WDR7: variants seen among roughly 807,000 people sequenced by gnomAD.
WDR7 encodes WD repeat-containing protein 7.
In WDR7, 46 loss-of-function variants were observed where a neutral mutation model predicts 169.4. That is an observed-to-expected ratio of 0.27 (90% CI 0.21 to 0.35). The LOEUF (loss-of-function observed/expected upper bound fraction) is 0.35. WDR7 is among the 10% of genes least tolerant of loss of function. The pLI is 1.00. For synonymous variants in WDR7, 612 were observed against 666.8 expected (o/e 0.92, Z 1.27); for missense variants, 1,534 against 1,859.3 (o/e 0.83, Z 3.22).
At chr18:56,780,591 G>T (rs2044303663) in intron 18 of WDR7, among the ~76,000 whole-genome samples, 1 of 152,032 alleles carries the variant, frequency 6.6e-6, no homozygotes, top group Non-Finnish European at 1.5e-5. Context: ...GGCCCAGGTG[G>T]GTGAGACCAG....
chr18:57,026,891 A>C, intron 27 of WDR7, 113 bp from the exon 28 acceptor site: 3 of 1,092,156 alleles, frequency 2.7e-6, no homozygotes, highest in Non-Finnish European at 4.0e-6. Context: ...GCTTAGGTGA[A>C]GGAGAATAAC....
intron 12 of WDR7, among the ~76,000 whole-genome samples, chr18:56,714,741 G>A (rs184625816): frequency 1.3e-5 from 2 of 151,920 alleles, no homozygotes; most frequent in African/African-American, 2.4e-5. Context: ...TGTAGATTGA[G>A]CTTGTTATTT....
chr18:56,780,946 A>G (rs115121877), intron 18 of WDR7, among the ~76,000 whole-genome samples: 138 of 152,370 alleles, frequency 9.1e-4, no homozygotes, highest in African/African-American at 3.1e-3. Context: ...TATAATTTTG[A>G]AAAATGATTT....
At chr18:56,764,060 ATTAT>A (rs759044557) in intron 16 of WDR7, among the ~76,000 whole-genome samples, 148 of 149,588 alleles carry the variant, frequency 9.9e-4, no homozygotes, top group South Asian at 2.1e-3. Flanking sequence ...TGATTTGATT[ATTAT>A]TTATTTTTTC....
intron 25 of WDR7, among the ~76,000 whole-genome samples, chr18:56,951,576 G>A (rs1219794055): frequency 3.0e-4 from 46 of 152,048 alleles, no homozygotes. Context: ...CAAAGATACA[G>A]AATATATATA....
intron 13 of WDR7, 83 bp downstream of exon 13, chr18:56,718,242 A>G (rs2026236836): frequency 7.4e-7 from 1 of 1,343,986 alleles, no homozygotes; most frequent in Admixed American, 2.7e-5. Flanking sequence ...TTTTATATGA[A>G]GAAAAAAGGC....
rs114753081 is a variant in WDR7 at position 56,655,062 on chromosome 18, A to G, written c.-20+3486A>G. 1.5e-3 allele frequency among the ~76,000 whole-genome samples: 223 copies of G among 152,302 alleles called. 1 individual carries two copies. Among genetic ancestry groups the G allele is most frequent in the African/African-American group, 5.1e-3 (210 of 41,580 alleles). On this transcript the variant is annotated intron_variant, in intron 1 of 27. Coordinates refer to ENST00000254442, the MANE Select transcript of WDR7 (RefSeq NM_015285.3). Reference sequence around the variant, plus strand: ...GTAGTAGTATGTTTTTTCCTCCTATATAAATAACTCTTCCCATTTATTTTG... The same window carrying G: ...GTAGTAGTATGTTTTTTCCTCCTATGTAAATAACTCTTCCCATTTATTTTG...
intron 12 of WDR7, among the ~76,000 whole-genome samples, chr18:56,717,301 G>A (rs531818348): frequency 1.3e-5 from 2 of 152,186 alleles, no homozygotes; most frequent in South Asian, 4.1e-4. Flanking sequence ...ATCTTGTCTT[G>A]TTCTAAAAAG....
intron 14 of WDR7, among the ~76,000 whole-genome samples, chr18:56,746,048 T>C (rs1396147426): frequency 6.6e-6 from 1 of 152,216 alleles, no homozygotes; most frequent in African/African-American, 2.4e-5. Flanking sequence ...AGATGATTTA[T>C]ATGACATGGT....
intron 26 of WDR7, among the ~76,000 whole-genome samples, chr18:57,013,053 G>A (rs2048159007): frequency 6.6e-6 from 1 of 152,200 alleles, no homozygotes; most frequent in African/African-American, 2.4e-5. Context: ...TGGCAGCAGG[G>A]ACCAGTTTCA....
chr18:56,658,631 T>C (rs2024832332), intron 1 of WDR7, among the ~76,000 whole-genome samples: 2 of 152,220 alleles, frequency 1.3e-5, no homozygotes, highest in African/African-American at 2.4e-5. Context: ...TCTTCTTTTT[T>C]CTAAATGTTT....
intron 19 of WDR7, among the ~76,000 whole-genome samples, chr18:56,784,030 G>A (rs1568192732): frequency 6.6e-6 from 1 of 152,132 alleles, no homozygotes; most frequent in Non-Finnish European, 1.5e-5. Flanking sequence ...GTCTGCGTCA[G>A]GCTTTGCTAA....
intron 20 of WDR7, among the ~76,000 whole-genome samples, chr18:56,820,359 A>AAACAAAAAC (rs1555695956): frequency 1.6e-5 from 2 of 127,464 alleles, no homozygotes; most frequent in Non-Finnish European, 3.2e-5. Context: ...AAAAAAAAAA[A>AAACAAAAAC]AAAAACCACC....
At chr18:56,675,093 A>T (rs1291338612) in intron 2 of WDR7, among the ~76,000 whole-genome samples, 4 of 152,162 alleles carry the variant, frequency 2.6e-5, no homozygotes, top group Non-Finnish European at 5.9e-5. Flanking sequence ...CCGTTGTTTT[A>T]TATACTCACT....
intron 26 of WDR7, among the ~76,000 whole-genome samples, chr18:57,016,165 T>G (rs1430407370): frequency 1.3e-5 from 2 of 152,186 alleles, no homozygotes; most frequent in East Asian, 3.9e-4. Flanking sequence ...TAATCTAAAG[T>G]CAGCCACACT....
chr18:56,977,190 A>G (rs142295776), intron 26 of WDR7, among the ~76,000 whole-genome samples: 1 of 152,372 alleles, frequency 6.6e-6, no homozygotes, highest in East Asian at 1.9e-4. Flanking sequence ...GGGTTGATTC[A>G]TAATCATCTT....
intron 20 of WDR7, among the ~76,000 whole-genome samples, chr18:56,860,729 T>G (rs534685569): frequency 6.6e-6 from 1 of 152,328 alleles, no homozygotes; most frequent in South Asian, 2.1e-4. Flanking sequence ...AATGATGTAT[T>G]TGGTGTTCTT....
At chr18:56,771,564 C>G (rs1355800034) in intron 16 of WDR7, among the ~76,000 whole-genome samples, 2 of 145,566 alleles carry the variant, frequency 1.4e-5, no homozygotes, top group Non-Finnish European at 3.0e-5. Flanking sequence ...TCTACCCTCC[C>G]CCACCCCCCC....
intron 7 of WDR7, 96 bp from the exon 8 acceptor site, chr18:56,691,120 T>C: frequency 6.6e-7 from 1 of 1,510,266 alleles, no homozygotes; most frequent in Non-Finnish European, 8.9e-7. Flanking sequence ...GTTTTCTAAA[T>C]ACATTTCCAG....
Sources: allele counts gnomAD v4.1 joint callset (sites outside exome capture counted in the v4.1 genomes callset), GRCh38; gene constraint gnomAD v4.1.1; transcripts MANE v1.5; gene names NCBI Gene and HGNC (gene_info 2026-07-23, HGNC 2026-07-21).